MBD5: variants seen among roughly 807,000 people sequenced by gnomAD.
The protein encoded by MBD5 is methyl-CpG binding domain protein 5.
A neutral mutation model predicts 117.3 loss-of-function variants in MBD5; 13 were observed. The ratio of observed to expected loss-of-function variants is 0.11; its 90% CI spans 0.07 to 0.18. The LOEUF is 0.18. Among genes scored for constraint, MBD5 ranks in the 10% least tolerant of loss-of-function variants. MBD5 has a pLI of 1.00. For synonymous variants in MBD5, 727 were observed against 766.4 expected (o/e 0.95, Z 0.85); for missense variants, 1,879 against 2,093.8 (o/e 0.90, Z 2.00).
At chr2:148,437,034 G>T (rs527515569) in intron 4 of MBD5, among the ~76,000 whole-genome samples, 1 of 151,988 alleles carries the variant, frequency 6.6e-6, no homozygotes, top group East Asian at 1.9e-4. Flanking sequence ...CCAGTTTGGA[G>T]TGCAGTGGCA....
intron 4 of MBD5, among the ~76,000 whole-genome samples, chr2:148,372,898 C>G (rs1408831835): frequency 2.0e-5 from 3 of 152,046 alleles, no homozygotes; most frequent in African/African-American, 7.2e-5. Context: ...AATTTTTCCT[C>G]TGATTTTCCA....
intron 8 of MBD5, 42 bp downstream of exon 8, chr2:148,470,503 T>G (rs1680760358): frequency 6.8e-7 from 1 of 1,479,630 alleles, no homozygotes; most frequent in South Asian, 1.3e-5. Context: ...GTACTAAACT[T>G]TTCTACTTTT....
At chr2:148,231,257 A>G (rs1053080921) in intron 2 of MBD5, among the ~76,000 whole-genome samples, 9 of 152,146 alleles carry the variant, frequency 5.9e-5, no homozygotes, top group African/African-American at 2.2e-4. Context: ...CTTTCTGGCT[A>G]AACAGGCCTG....
chr2:148,509,278 AAC>A (rs1323924194), intron 12 of MBD5, among the ~76,000 whole-genome samples: 1 of 152,262 alleles, frequency 6.6e-6, no homozygotes, highest in Non-Finnish European at 1.5e-5. Context: ...AAGTGTACAT[AAC>A]CACAGAGGTG....
At chr2:148,462,505 C>G (rs940118942) in intron 5 of MBD5, 77 bp from the exon 6 acceptor site, 14 of 932,902 alleles carry the variant, frequency 1.5e-5, no homozygotes, top group Non-Finnish European at 2.4e-5. Context: ...GACAGTAAGA[C>G]TATAAATTAT....
Position 148,398,924 on chromosome 2 carries a change from G to T in MBD5, c.-557+56588G>T, listed in dbSNP as rs567723172. Reference sequence around the variant, plus strand: ...TTAAATAGGGAATCCTTTCCCCATTGCTTGTTTTTCTCAGGTTTGTCAAAG... The same window carrying T: ...TTAAATAGGGAATCCTTTCCCCATTTCTTGTTTTTCTCAGGTTTGTCAAAG... On this transcript the variant is annotated intron_variant, in intron 4 of 13. Coordinates refer to ENST00000642680, the MANE Select transcript of MBD5 (RefSeq NM_001378120.1). Among the ~76,000 whole-genome samples, 14 of 152,108 alleles carry T rather than the reference G, an allele frequency of 9.2e-5. No homozygotes were observed. In the East Asian group the frequency reaches 2.5e-3, roughly 27 times the overall value.
chr2:148,468,183 AT>A (rs1410902078), intron 7 of MBD5, among the ~76,000 whole-genome samples, 157 bp from the exon 8 acceptor site: 6 of 152,166 alleles, frequency 3.9e-5, no homozygotes, highest in African/African-American at 1.4e-4. Flanking sequence ...ATATAGAACT[AT>A]TTTTAATTGC....
intron 2 of MBD5, among the ~76,000 whole-genome samples, chr2:148,184,999 A>T (rs186967155): frequency 6.6e-6 from 1 of 152,222 alleles, no homozygotes; most frequent in Non-Finnish European, 1.5e-5. Context: ...AGAAATTACT[A>T]CCTAAGGTTA....
intron 2 of MBD5, among the ~76,000 whole-genome samples, chr2:148,201,084 C>A (rs942175221): frequency 1.3e-5 from 2 of 152,228 alleles, no homozygotes; most frequent in African/African-American, 4.8e-5. Context: ...CCTCCCCAGG[C>A]CTTGCTCAGG....
intron 2 of MBD5, among the ~76,000 whole-genome samples, chr2:148,210,703 A>G (rs1699401863): frequency 6.6e-6 from 1 of 152,074 alleles, no homozygotes; most frequent in African/African-American, 2.4e-5. Context: ...GAAAACACAC[A>G]AATTATAAAA....
At chr2:148,398,231 T>G (rs1053130259) in intron 4 of MBD5, among the ~76,000 whole-genome samples, 1 of 152,208 alleles carries the variant, frequency 6.6e-6, no homozygotes, top group Non-Finnish European at 1.5e-5. Flanking sequence ...ATCGCCACAC[T>G]GACTTCCACA....
At chr2:148,231,038 C>A (rs558347571) in intron 2 of MBD5, among the ~76,000 whole-genome samples, 1 of 152,260 alleles carries the variant, frequency 6.6e-6, no homozygotes, top group East Asian at 1.9e-4. Context: ...GCACTCCCTT[C>A]CCCACCCTGG....
At chr2:148,136,501 T>C (rs1697175579) in intron 1 of MBD5, among the ~76,000 whole-genome samples, 1 of 152,192 alleles carries the variant, frequency 6.6e-6, no homozygotes, top group Non-Finnish European at 1.5e-5. Context: ...GATACATTTG[T>C]TGTAGCCATC....
At chr2:148,308,487 CTTTCTTTTTTT>C (rs1374535826) in intron 3 of MBD5, among the ~76,000 whole-genome samples, 2 of 27,698 alleles carry the variant, frequency 7.2e-5, no homozygotes, top group African/African-American at 1.7e-4. Context: ...TGATGGGGTT[CTTTCTTTTTTT>C]TTTTTTTTTT....
chr2:148,509,791 C>T (rs537369616), intron 12 of MBD5, among the ~76,000 whole-genome samples: 1 of 152,294 alleles, frequency 6.6e-6, no homozygotes, highest in Admixed American at 6.5e-5. Context: ...CCCAAATCAC[C>T]AGATTGTGGA....
chr2:148,156,194 C>A (rs1401171681), intron 1 of MBD5, among the ~76,000 whole-genome samples: 1 of 152,208 alleles, frequency 6.6e-6, no homozygotes, highest in Non-Finnish European at 1.5e-5. Flanking sequence ...AATAATTTAT[C>A]TCCCAGAATT....
At chr2:148,209,785 G>C (rs2106002077) in intron 2 of MBD5, among the ~76,000 whole-genome samples, 1 of 152,152 alleles carries the variant, frequency 6.6e-6, no homozygotes, top group Non-Finnish European at 1.5e-5. Context: ...GGAGGAGCAA[G>C]GGGCGGGGGG....
intron 1 of MBD5, 111 bp downstream of exon 1, chr2:148,021,795 T>G (rs1223892008): frequency 6.4e-4 from 43 of 66,868 alleles, no homozygotes; most frequent in South Asian, 1.4e-3. Flanking sequence ...GAGGAGGGGG[T>G]GGTGCTGGGG....
rs1705131922 is a variant in MBD5, at chr2:148,407,920, A to G, written c.-556-50283A>G. Among the ~76,000 whole-genome samples the G allele has an allele frequency of 2.6e-5, 4 of 152,286 alleles. No individual in the cohort carries two copies. In the South Asian group the frequency reaches 8.3e-4, roughly 32 times the overall value. On this transcript the variant is annotated intron_variant, in intron 4 of 13. Transcript: ENST00000642680. ...GTATATTTTTCTGACAAAAACAACC[A>G]ATCAATAGCTGGTAATACTGCTTAG... is the stretch of plus-strand genomic sequence containing the variant.
Sources: allele counts gnomAD v4.1 joint callset (sites outside exome capture counted in the v4.1 genomes callset), GRCh38; gene constraint gnomAD v4.1.1; transcripts MANE v1.5; gene names NCBI Gene and HGNC (gene_info 2026-07-23, HGNC 2026-07-21).